The following AP2A2 variants were observed in gnomAD, a reference collection of about 807,000 sequenced individuals.
The protein encoded by AP2A2 is adaptor related protein complex 2 subunit alpha 2, also known as AP-2 complex subunit alpha-2.
In AP2A2, 32 loss-of-function variants were observed where a neutral mutation model predicts 104.2. The ratio of observed to expected loss-of-function variants is 0.31; its 90% CI spans 0.23 to 0.41. The LOEUF is 0.41. AP2A2 is among the 10% of genes least tolerant of loss of function. The pLI, the probability that AP2A2 is intolerant of heterozygous loss-of-function variation, is 1.00. For missense variants in AP2A2, 912 were observed against 1,261.0 expected, an observed-to-expected ratio of 0.72 and a Z score of 4.19; for synonymous variants, 539 against 533.3, an observed-to-expected ratio of 1.01 and a Z score of -0.15.
chr11:998,906 A>G (rs1416809159), intron 14 of AP2A2, among the ~76,000 whole-genome samples: 1 of 151,964 alleles, frequency 6.6e-6, no homozygotes, highest in Non-Finnish European at 1.5e-5. Flanking sequence ...GTTGGCCAGG[A>G]TGGTCTCAAT....
chr11:936,027 G>A (rs558306215), intron 1 of AP2A2, among the ~76,000 whole-genome samples: 1 of 150,260 alleles, frequency 6.7e-6, no homozygotes, highest in Non-Finnish European at 1.5e-5. Flanking sequence ...TCAGCCTCCC[G>A]AGTAGCTGGG....
At chr11:1,008,986 G>C (rs1269765662) in intron 18 of AP2A2, 114 bp from the exon 19 acceptor site, 2 of 839,944 alleles carry the variant, frequency 2.4e-6, no homozygotes, top group Non-Finnish European at 3.8e-6. Flanking sequence ...CCCCCGACCC[G>C]CTCTGGTGGG....
intron 1 of AP2A2, among the ~76,000 whole-genome samples, chr11:951,972 A>AT (rs66636523): frequency 6.6e-6 from 1 of 151,842 alleles, no homozygotes; most frequent in East Asian, 1.9e-4. Flanking sequence ...GGCTCAGGTG[A>AT]TTCCCCCCAC....
rs1856429016 is a variant in AP2A2 at position 1,011,476 on chromosome 11, G to C, written c.*851G>C. 1 of 498,820 alleles carries C rather than the reference G, an allele frequency of 2.0e-6. No homozygotes were observed. The highest frequency in any genetic ancestry group is 2.1e-5 in the Admixed American group (1 of 47,936). The allele number at this position is 498,820 out of a possible 1,614,324, so 30.9% of individuals were successfully genotyped here. Reference sequence around the variant, plus strand: ...CCGGCCCCGTCCAGTCGTCCCTGGAGGGGCTGTGGAGGAGGGACGCCTCTG... The same window carrying C: ...CCGGCCCCGTCCAGTCGTCCCTGGACGGGCTGTGGAGGAGGGACGCCTCTG... On this transcript the variant is annotated 3_prime_UTR_variant, in exon 22 of 22. Coordinates refer to ENST00000448903, the MANE Select transcript of AP2A2 (RefSeq NM_012305.4).
chr11:1,005,241 C>T (rs1268381613), intron 16 of AP2A2, among the ~76,000 whole-genome samples: 1 of 152,262 alleles, frequency 6.6e-6, no homozygotes, highest in Non-Finnish European at 1.5e-5. Context: ...ACGGGCCAGA[C>T]ACCTGGACAA....
intron 4 of AP2A2, among the ~76,000 whole-genome samples, chr11:972,600 G>A (rs1004269721): frequency 6.6e-6 from 1 of 152,222 alleles, no homozygotes; most frequent in Non-Finnish European, 1.5e-5. Context: ...GGTAGGCTGA[G>A]GCAGGAGGAT....
At chr11:999,616 AC>A (rs1367783848) in intron 14 of AP2A2, among the ~76,000 whole-genome samples, 2 of 152,296 alleles carry the variant, frequency 1.3e-5, no homozygotes, top group East Asian at 3.9e-4. Flanking sequence ...GGTGTGGGGC[AC>A]CATGCCCAGC....
chr11:941,013 T>G (rs868267145), intron 1 of AP2A2: 20 of 428,770 alleles, frequency 4.7e-5, no homozygotes, highest in African/African-American at 3.7e-4. Flanking sequence ...CCACACTCCG[T>G]GGAGCTCGGA....
chr11:967,146 A>G (rs1854644613), intron 2 of AP2A2, among the ~76,000 whole-genome samples: 1 of 151,946 alleles, frequency 6.6e-6, no homozygotes. Flanking sequence ...CAGCCTGGGC[A>G]GCAGAGCAAG....
At chr11:946,835 A>C (rs1046604319) in intron 1 of AP2A2, 2 of 151,908 alleles carry the variant, frequency 1.3e-5, no homozygotes, top group Non-Finnish European at 2.9e-5. Flanking sequence ...TGTTTTAGCC[A>C]ACCTCCCTTA....
In AP2A2 at chr11:1,006,515, T is replaced by C. The variant is rs770051765; in HGVS notation, c.2207-13T>C. On this transcript the variant is annotated splice_polypyrimidine_tract_variant and intron_variant, in intron 16 of 21. Coordinates refer to ENST00000448903, the MANE Select transcript of AP2A2 (RefSeq NM_012305.4). ...AATGGTGTGTGTGAAAAAATTGTTT[T>C]TGTTCCTTCTAGGTCGGATGTTTAT... The C allele has an allele frequency of 1.2e-6, 2 of 1,604,480 alleles. No individual in the cohort carries two copies. The highest frequency in any genetic ancestry group is 1.7e-6 in the Non-Finnish European group (2 of 1,173,778).
chr11:992,061 C>T lies in AP2A2; in HGVS notation c.1270-442C>T, dbSNP rs946695276. Among the ~76,000 whole-genome samples, 4 of 152,028 alleles carry T rather than the reference C, an allele frequency of 2.6e-5. No homozygotes were observed. The highest frequency in any genetic ancestry group is 4.4e-5 in the Non-Finnish European group (3 of 68,012). On this transcript the variant is annotated intron_variant, in intron 10 of 21. Coordinates refer to ENST00000448903, the MANE Select transcript of AP2A2 (RefSeq NM_012305.4). This position sits in a 1 kb window ranked among gnomAD's most constrained non-coding sequence, Gnocchi z 6.4. The stretch of plus-strand genomic sequence containing the variant: ...GCTCGCAGGAAAGACTGGCCAGAGC[C>T]GGAAGAAACCAGCAGAGAAGTGGCC...
At chr11:989,125 C>T (rs1855562174) in intron 10 of AP2A2, among the ~76,000 whole-genome samples, 1 of 152,156 alleles carries the variant, frequency 6.6e-6, no homozygotes, top group African/African-American at 2.4e-5. Context: ...AGTTCAAGAC[C>T]AGCCTGACAA....
intron 1 of AP2A2, among the ~76,000 whole-genome samples, chr11:952,544 G>A (rs1210001099): frequency 6.6e-6 from 1 of 152,202 alleles, no homozygotes; most frequent in African/African-American, 2.4e-5. Context: ...GAGCTCCTAA[G>A]TTCACTGCGA....
At chr11:931,511 G>T (rs1853291008) in intron 1 of AP2A2, among the ~76,000 whole-genome samples, 1 of 152,212 alleles carries the variant, frequency 6.6e-6, no homozygotes, top group African/African-American at 2.4e-5. Context: ...GTCCTTTTGA[G>T]ACCGGTCAGT....
intron 1 of AP2A2, among the ~76,000 whole-genome samples, chr11:955,922 C>T (rs945914829): frequency 2.6e-5 from 4 of 152,112 alleles, no homozygotes; most frequent in Admixed American, 6.5e-5. Context: ...CTGGCGGGGC[C>T]GCTTGTGTCG....
chr11:954,586 G>C (rs529722532), intron 1 of AP2A2, among the ~76,000 whole-genome samples: 2 of 152,196 alleles, frequency 1.3e-5, no homozygotes, highest in Admixed American at 1.3e-4. Context: ...ATATTTGTGT[G>C]TGGCGTGTAC....
rs370958520 is a variant in AP2A2, at chr11:977,125, G to C, written c.504G>C (p.Ala168=). ...CTATGGACAGCGTGAAGCAGAGCGC[G>C]GCCCTGTGCTTGCTGCGCCTGTACA... ...GDTMDSVKQS[A]ALCLLRLYRT... The change falls in exon 5 of 22, where the codon GCG becomes GCC. Residue 168 remains alanine, a synonymous_variant. Coordinates refer to ENST00000448903, the MANE Select transcript of AP2A2 (RefSeq NM_012305.4). The C allele has an allele frequency of 6.2e-7, 1 of 1,613,788 alleles. No individual in the cohort carries two copies. Among genetic ancestry groups the C allele is most frequent in the South Asian group, 1.1e-5 (1 of 91,078 alleles).
chr11:994,274 A>G (rs372507436), intron 14 of AP2A2, 29 bp downstream of exon 14: 1 of 1,609,420 alleles, frequency 6.2e-7, no homozygotes, highest in Non-Finnish European at 8.5e-7. Flanking sequence ...GTGCACCCAG[A>G]CCTGTCAGGG....
Sources: gnomAD v4.1 joint callset for allele counts (sites outside exome capture counted in the v4.1 genomes callset) on GRCh38, gnomAD v4.1.1 for gene constraint, Gnocchi (gnomAD v3.1) non-coding constraint, MANE v1.5 for transcripts, NCBI Gene and HGNC (gene_info 2026-07-23, HGNC 2026-07-21) for gene names.